Variants in SLC13A1 observed in about 807,000 individuals in gnomAD.
The protein encoded by SLC13A1 is Na(+)/sulfate cotransporter.
SLC13A1 carries 65 observed loss-of-function variants against 70.0 expected under a neutral mutation model. That is an observed-to-expected ratio of 0.93 (90% CI 0.76 to 1.14). SLC13A1 has a LOEUF of 1.14. Among genes scored for constraint, SLC13A1 ranks in the 50% most tolerant of loss-of-function variants. The pLI is 0.00. For missense variants in SLC13A1, 726 were observed against 717.8 expected (o/e 1.01, Z -0.13); for synonymous variants, 275 against 250.5 (o/e 1.10, Z -0.92).
chr7:123,149,750 A>G, intron 6 of SLC13A1: 1 of 399,536 alleles, frequency 2.5e-6, no homozygotes, highest in Non-Finnish European at 5.0e-6. Context: ...TCTTCTTCCA[A>G]CTTTGCTGTT....
At chr7:123,150,446 A>C (rs1170922276) in intron 6 of SLC13A1, among the ~76,000 whole-genome samples, 1 of 152,138 alleles carries the variant, frequency 6.6e-6, no homozygotes, top group African/African-American at 2.4e-5. Context: ...ATTTTCATCA[A>C]CATTTAATTA....
chr7:123,144,447 T>G (rs1794277621), intron 7 of SLC13A1, among the ~76,000 whole-genome samples: 1 of 152,170 alleles, frequency 6.6e-6, no homozygotes, highest in Non-Finnish European at 1.5e-5. Context: ...AAGCATTAAA[T>G]TTTTATTTTA....
At chr7:123,166,840 C>A (rs1017067510) in intron 6 of SLC13A1, among the ~76,000 whole-genome samples, 1 of 151,960 alleles carries the variant, frequency 6.6e-6, no homozygotes, top group Non-Finnish European at 1.5e-5. Flanking sequence ...TGAATAGTGC[C>A]GCAATAAACA....
chr7:123,134,014 G>C (rs371525202), intron 8 of SLC13A1, among the ~76,000 whole-genome samples: 77 of 151,968 alleles, frequency 5.1e-4, no homozygotes, highest in African/African-American at 1.8e-3. Context: ...GTCCTTTTAG[G>C]GGGGAGGTTT....
chr7:123,129,604 A>T lies in SLC13A1; in HGVS notation c.933-123T>A. On this transcript the variant is annotated intron_variant, in intron 8 of 14. Coordinates refer to ENST00000194130, the MANE Select transcript of SLC13A1 (RefSeq NM_022444.4). ...ATGAATCTCCCTTCATGCAATATGA[A>T]TCTCCCCGTTAATAACAGATATCTG... 4.4e-6 allele frequency: 3 copies of T among 683,960 alleles called. No homozygotes were observed. The South Asian group carries it at 5.0e-5, about 11-fold the overall frequency. 42.4% of individuals were successfully genotyped at this position (683,960 alleles called of 1,614,324 possible).
intron 8 of SLC13A1, among the ~76,000 whole-genome samples, chr7:123,132,090 T>A (rs369393125): frequency 6.6e-6 from 1 of 152,184 alleles, no homozygotes; most frequent in African/African-American, 2.4e-5. Context: ...AAGGGGCACT[T>A]AGTATGCAGC....
intron 10 of SLC13A1, among the ~76,000 whole-genome samples, chr7:123,128,222 AAAGAC>A (rs1793630523): frequency 6.6e-6 from 1 of 152,052 alleles, no homozygotes; most frequent in Non-Finnish European, 1.5e-5. Flanking sequence ...AATGAAGAAA[AAAGAC>A]AAGATACTAC....
At chr7:123,143,904 C>A (rs1794250307) in intron 7 of SLC13A1, among the ~76,000 whole-genome samples, 1 of 152,036 alleles carries the variant, frequency 6.6e-6, no homozygotes, top group South Asian at 2.1e-4. Flanking sequence ...TGTAAGGTAG[C>A]AGTAGAAGAG....
At chr7:123,129,233 C>T (rs1030992009) in intron 9 of SLC13A1, 150 bp downstream of exon 9, 1 of 704,252 alleles carries the variant, frequency 1.4e-6, no homozygotes, top group South Asian at 1.9e-5. Context: ...ATTTGGGGCC[C>T]TAATCAAGTG....
At chr7:123,170,956 A>T (rs1585373300) in intron 3 of SLC13A1, among the ~76,000 whole-genome samples, 1 of 150,318 alleles carries the variant, frequency 6.7e-6, no homozygotes, top group Admixed American at 6.6e-5. Flanking sequence ...CGTCTGAGTC[A>T]TTTTTTTTTT....
chr7:123,171,977 T>C, intron 2 of SLC13A1, 73 bp from the exon 3 acceptor site: 1 of 1,398,830 alleles, frequency 7.1e-7, no homozygotes, highest in Non-Finnish European at 9.9e-7. Context: ...AAGACATTAT[T>C]ATGCTGCTCT....
chr7:123,176,262 G>A (rs1795443384), intron 2 of SLC13A1, among the ~76,000 whole-genome samples: 1 of 152,186 alleles, frequency 6.6e-6, no homozygotes, highest in Non-Finnish European at 1.5e-5. Context: ...GAATATTTGA[G>A]AAGAAACATT....
At chr7:123,150,228 T>C (rs1287860705) in intron 6 of SLC13A1, among the ~76,000 whole-genome samples, 1 of 152,144 alleles carries the variant, frequency 6.6e-6, no homozygotes, top group Non-Finnish European at 1.5e-5. Context: ...CTTCTCAGTC[T>C]TTACAAGTAG....
chr7:123,173,263 C>T (rs1305127395), intron 2 of SLC13A1, among the ~76,000 whole-genome samples: 3 of 151,906 alleles, frequency 2.0e-5, no homozygotes, highest in East Asian at 1.9e-4. Flanking sequence ...GGCTTCGTTT[C>T]GATAAAAAGC....
chr7:123,123,378 A>G, intron 11 of SLC13A1, 143 bp from the exon 12 acceptor site: 1 of 586,252 alleles, frequency 1.7e-6, no homozygotes, highest in Non-Finnish European at 3.1e-6. Context: ...CTGGAGTTTG[A>G]GTAATTTCCA....
At chr7:123,198,888 G>T (rs1447707735) in intron 1 of SLC13A1, among the ~76,000 whole-genome samples, 2 of 152,102 alleles carry the variant, frequency 1.3e-5, no homozygotes, top group Non-Finnish European at 2.9e-5. Context: ...GACTGGCACT[G>T]CACACTTACT....
At chr7:123,134,628 C>A in intron 7 of SLC13A1, 99 bp from the exon 8 acceptor site, 1 of 1,194,514 alleles carries the variant, frequency 8.4e-7, no homozygotes. Flanking sequence ...TCCTGTGTTT[C>A]TGTCCAAGAA....
At chr7:123,160,650 T>C (rs1334119525) in intron 6 of SLC13A1, among the ~76,000 whole-genome samples, 1 of 152,172 alleles carries the variant, frequency 6.6e-6, no homozygotes. Flanking sequence ...CAATTTGTTT[T>C]AAGCACAATG....
At chr7:123,138,023 G>C (rs899937592) in intron 7 of SLC13A1, among the ~76,000 whole-genome samples, 1 of 151,872 alleles carries the variant, frequency 6.6e-6, no homozygotes, top group Non-Finnish European at 1.5e-5. Context: ...CATTCTTTCT[G>C]CCAATTTTGT....
Sources: gnomAD v4.1 joint callset for allele counts (sites outside exome capture counted in the v4.1 genomes callset) on GRCh38, gnomAD v4.1.1 for gene constraint, MANE v1.5 for transcripts, NCBI Gene and HGNC (gene_info 2026-07-23, HGNC 2026-07-21) for gene names.